CACNA1A: variants seen among roughly 807,000 people sequenced by gnomAD.
CACNA1A encodes the protein calcium voltage-gated channel subunit alpha1 A.
CACNA1A carries 57 observed loss-of-function variants against 262.4 expected under a neutral mutation model. The ratio of observed to expected loss-of-function variants is 0.22; its 90% CI spans 0.18 to 0.27. CACNA1A has a LOEUF of 0.27. Among genes scored for constraint, CACNA1A ranks in the 10% least tolerant of loss-of-function variants. CACNA1A has a pLI of 1.00. For missense variants in CACNA1A, 2,526 were observed against 3,562.8 expected, an observed-to-expected ratio of 0.71 and a Z score of 7.41; for synonymous variants, 1,431 against 1,419.3, an observed-to-expected ratio of 1.01 and a Z score of -0.18.
intron 11 of CACNA1A, among the ~76,000 whole-genome samples, chr19:13,314,189 T>C (rs562663871): frequency 1.7e-3 from 256 of 152,136 alleles, no homozygotes; most frequent in African/African-American, 5.8e-3. Context: ...ACTTAATGGA[T>C]AGAAAGGAGA....
chr19:13,467,610 T>A (rs7253571), intron 1 of CACNA1A, among the ~76,000 whole-genome samples: 6,945 of 151,080 alleles, frequency 0.046, 233 homozygotes, highest in Non-Finnish European at 0.06. Context: ...TTCTTTTCTT[T>A]TTTTTTTTTT....
At position 13,371,707 on chromosome 19, in the gene CACNA1A, C is replaced by T; in HGVS notation, c.612G>A (p.Lys204=). Residue 204 remains lysine, a synonymous_variant, in exon 4 of 47, where the codon AAG becomes AAA. Transcript: ENST00000360228. ...LRAVRVLRPL[K]LVSGIPSLQV... ...ACGCACTTGGGATTCCAGACACCAG[C>T]TTGAGCGGCCGCAGCACTCGAACTG... is the stretch of plus-strand genomic sequence containing the variant. 6.3e-7 allele frequency: 1 copy of T among 1,577,990 alleles called. No individual in the cohort carries two copies. The highest frequency in any genetic ancestry group is 8.6e-7 in the Non-Finnish European group (1 of 1,162,200).
chr19:13,307,156 T>C (rs1335695039), intron 15 of CACNA1A: 1 of 151,932 alleles, frequency 6.6e-6, no homozygotes, highest in Non-Finnish European at 1.5e-5. Context: ...AGAGACGGAG[T>C]CTCACTATGT....
Position 13,323,636 on chromosome 19 carries a change from GTTGT to G in CACNA1A, c.1346-6319_1346-6316del, listed in dbSNP as rs930877036. 6.6e-4 allele frequency among the ~76,000 whole-genome samples: 99 copies of G among 150,608 alleles called. 1 individual carries two copies. Among genetic ancestry groups the G allele is most frequent in the African/African-American group, 2.3e-3 (95 of 41,412 alleles). On this transcript the variant is annotated intron_variant, in intron 10 of 46. Transcript: ENST00000360228. ...AATTGGGTTGTTTTCTTGCTGTTGA[GTTGT>G]TTGAGTTCCTTATATATTTTGGATA...
At chr19:13,283,572 A>G in intron 21 of CACNA1A, 176 bp from the exon 22 acceptor site, 1 of 721,748 alleles carries the variant, frequency 1.4e-6, no homozygotes, top group South Asian at 1.9e-5. Flanking sequence ...TGGAACCCCA[A>G]GAAGGCAGAG....
chr19:13,457,120 G>A (rs1028082976), intron 1 of CACNA1A, among the ~76,000 whole-genome samples: 2 of 152,048 alleles, frequency 1.3e-5, no homozygotes, highest in African/African-American at 2.4e-5. Context: ...GCATAGTGGC[G>A]CAGGCCTGTA....
intron 3 of CACNA1A, among the ~76,000 whole-genome samples, chr19:13,384,597 G>A (rs1329035531): frequency 6.6e-6 from 1 of 152,166 alleles, no homozygotes; most frequent in Admixed American, 6.6e-5. Context: ...CTACTTGGGA[G>A]GCTGAGGCAG....
intron 1 of CACNA1A, among the ~76,000 whole-genome samples, chr19:13,488,390 C>CTTTTTTTTTTTT (rs34348281): frequency 4.1e-4 from 32 of 77,634 alleles, no homozygotes; most frequent in African/African-American, 6.0e-4. Flanking sequence ...TTTTTCTTTT[C>CTTTTTTTTTTTT]TTTTTTTTTT....
At chr19:13,267,633 C>T (rs1348489861) in intron 24 of CACNA1A, among the ~76,000 whole-genome samples, 2 of 152,018 alleles carry the variant, frequency 1.3e-5, no homozygotes. Flanking sequence ...CTCTGCCTCT[C>T]GTTATCCTCA....
intron 6 of CACNA1A, among the ~76,000 whole-genome samples, chr19:13,348,017 C>A (rs992634052): frequency 1.3e-5 from 2 of 152,038 alleles, no homozygotes; most frequent in Non-Finnish European, 2.9e-5. Context: ...AACCCTTGGG[C>A]TCAGGCAATC....
chr19:13,500,255 G>A (rs923440612), intron 1 of CACNA1A, among the ~76,000 whole-genome samples: 2 of 152,196 alleles, frequency 1.3e-5, no homozygotes, highest in African/African-American at 2.4e-5. Flanking sequence ...TTTATAGGAC[G>A]CCTGCTTTGT....
chr19:13,408,928 C>T (rs2060059923), intron 3 of CACNA1A, among the ~76,000 whole-genome samples: 1 of 152,102 alleles, frequency 6.6e-6, no homozygotes, highest in South Asian at 2.1e-4. Context: ...GGAGATGGGT[C>T]ATGAGCTCTA....
chr19:13,404,770 GC>G (rs1488419959), intron 3 of CACNA1A, among the ~76,000 whole-genome samples: 2 of 152,170 alleles, frequency 1.3e-5, no homozygotes, highest in Non-Finnish European at 2.9e-5. Context: ...GGGTCATGAT[GC>G]TAAACGTGAA....
intron 3 of CACNA1A, among the ~76,000 whole-genome samples, chr19:13,377,719 T>C (rs1336754387): frequency 1.3e-5 from 2 of 152,176 alleles, no homozygotes; most frequent in African/African-American, 2.4e-5. Flanking sequence ...TCAAGTCTTA[T>C]GATTTAAGGG....
At chr19:13,505,851 T>C (rs2145191758) in intron 1 of CACNA1A, 81 bp downstream of exon 1, 1 of 1,431,790 alleles carries the variant, frequency 7.0e-7, no homozygotes, top group South Asian at 1.2e-5. Context: ...AACCCCCGGG[T>C]CTCTCTCCCA....
chr19:13,480,606 A>G (rs1324471050), intron 1 of CACNA1A, among the ~76,000 whole-genome samples: 2 of 152,100 alleles, frequency 1.3e-5, no homozygotes, highest in Non-Finnish European at 2.9e-5. Context: ...AGGCAGGAGG[A>G]TCACTTGAGC....
At chr19:13,302,439 A>C (rs938785336) in intron 17 of CACNA1A, among the ~76,000 whole-genome samples, 1 of 152,170 alleles carries the variant, frequency 6.6e-6, no homozygotes, top group African/African-American at 2.4e-5. Flanking sequence ...TGAATGATGA[A>C]ATCTGTAAAA....
chr19:13,415,361 G>T (rs1005770389), intron 3 of CACNA1A, among the ~76,000 whole-genome samples: 2 of 152,140 alleles, frequency 1.3e-5, no homozygotes, highest in African/African-American at 2.4e-5. Flanking sequence ...TGACCTGGGG[G>T]ACAGGGTGAG....
chr19:13,229,505 C>T (rs1245987827), intron 36 of CACNA1A, among the ~76,000 whole-genome samples: 2 of 152,202 alleles, frequency 1.3e-5, no homozygotes, highest in East Asian at 1.9e-4. Context: ...AGAGGGACCC[C>T]TCTGGTGTCT....
Sources: gnomAD v4.1 joint callset for allele counts (sites outside exome capture counted in the v4.1 genomes callset) on GRCh38, gnomAD v4.1.1 for gene constraint, MANE v1.5 for transcripts, NCBI Gene and HGNC (gene_info 2026-07-23, HGNC 2026-07-21) for gene names.